Variants in ARID2 observed in about 807,000 individuals in gnomAD.
ARID2 encodes AT-rich interaction domain 2, also known as AT-rich interactive domain-containing protein 2.
ARID2 carries 32 observed loss-of-function variants against 184.6 expected under a neutral mutation model. The ratio of observed to expected loss-of-function variants is 0.17; its 90% CI spans 0.13 to 0.23. The LOEUF (loss-of-function observed/expected upper bound fraction) is 0.23. ARID2 is among the 10% of genes least tolerant of loss of function. The pLI is 1.00. For missense variants in ARID2, 1,696 were observed against 2,197.6 expected (o/e 0.77, Z 4.56); for synonymous variants, 836 against 772.6 (o/e 1.08, Z -1.36).
In ARID2 at chr12:45,837,306, T is replaced by G. The variant is rs1384440460; in HGVS notation, c.1024-15T>G. 1.9e-6 allele frequency: 3 copies of G among 1,577,944 alleles called. No homozygotes were observed. In the African/African-American group the frequency reaches 4.1e-5, roughly 22 times the overall value. ...AAGAAGCATAGCTCAATAATAGTGTTGTTTCTTTTTCCAGCTTTTACTGGA... is the reference window on the plus strand; with the variant it reads ...AAGAAGCATAGCTCAATAATAGTGTGGTTTCTTTTTCCAGCTTTTACTGGA... On this transcript the variant is annotated splice_polypyrimidine_tract_variant and intron_variant, in intron 8 of 20. Transcript: ENST00000334344.
At chr12:45,771,501 CA>C (rs60579820) in intron 3 of ARID2, among the ~76,000 whole-genome samples, 13,087 of 122,906 alleles carry the variant, frequency 0.11, 1,875 homozygotes, top group African/African-American at 0.33. Flanking sequence ...TCTGTTTTTA[CA>C]AAAAAAAAAA....
chr12:45,746,100 A>ATT (rs34374158), intron 3 of ARID2, among the ~76,000 whole-genome samples: 29 of 140,230 alleles, frequency 2.1e-4, no homozygotes, highest in Non-Finnish European at 2.3e-4. Context: ...TTCTGGTTTG[A>ATT]TTTTTTTTTT....
chr12:45,842,913 T>C (rs1239087322), intron 11 of ARID2, among the ~76,000 whole-genome samples: 1 of 152,190 alleles, frequency 6.6e-6, no homozygotes, highest in Admixed American at 6.5e-5. Flanking sequence ...TTAGCATCAG[T>C]AGTATCCCTG....
chr12:45,779,386 T>C (rs1346827642), intron 3 of ARID2, among the ~76,000 whole-genome samples: 1 of 152,144 alleles, frequency 6.6e-6, no homozygotes, highest in Admixed American at 6.5e-5. Context: ...ATCTTTACTA[T>C]TTCATTTGTG....
intron 3 of ARID2, among the ~76,000 whole-genome samples, chr12:45,769,885 A>C (rs747642090): frequency 1.3e-5 from 2 of 152,176 alleles, no homozygotes; most frequent in Non-Finnish European, 2.9e-5. Flanking sequence ...GTGGGATAAG[A>C]TCAAGGGCTT....
Position 45,837,416 on chromosome 12 carries a change from A to G in ARID2, c.1119A>G (p.Arg373=), listed in dbSNP as rs2138130831. 1 of 1,611,312 alleles carries G rather than the reference A, an allele frequency of 6.2e-7. No individual in the cohort carries two copies. Among genetic ancestry groups the G allele is most frequent in the Non-Finnish European group, 8.5e-7 (1 of 1,178,404 alleles). The change falls in exon 9 of 21, where the codon AGA becomes AGG. Residue 373 remains arginine (R), a splice_region_variant and synonymous_variant. Coordinates refer to ENST00000334344, the MANE Select transcript of ARID2 (RefSeq NM_152641.4). ...LMSRDRFLKM[R]GMEILGNLCK... is the part of the protein sequence containing the mutation. ...CAAGGGATAGATTTTTAAAGATGAG[A>G]GGTGAGTTTTCACTGAAGTATTTAC... is the stretch of plus-strand genomic sequence containing the variant.
At chr12:45,834,518 G>T (rs141787085) in intron 6 of ARID2, among the ~76,000 whole-genome samples, 1 of 152,132 alleles carries the variant, frequency 6.6e-6, no homozygotes, top group African/African-American at 2.4e-5. Flanking sequence ...CGAGATGGGC[G>T]GATCACCTGA....
intron 2 of ARID2, among the ~76,000 whole-genome samples, chr12:45,730,826 C>G (rs367954741): frequency 6.3e-4 from 96 of 151,658 alleles, no homozygotes; most frequent in African/African-American, 1.6e-3. Flanking sequence ...CGGCCCCCCC[C>G]CCAACCCGCG....
At chr12:45,858,059 C>T (rs998564758) in intron 15 of ARID2, among the ~76,000 whole-genome samples, 2 of 152,200 alleles carry the variant, frequency 1.3e-5, no homozygotes, top group African/African-American at 4.8e-5. Flanking sequence ...CGTGCCTGGC[C>T]TAGCTAGAGG....
In ARID2 at chr12:45,906,797, G is replaced by A. The variant is rs543999333; in HGVS notation, c.*1719G>A. The A allele has an allele frequency of 1.2e-4, 27 of 232,064 alleles. No homozygotes were observed. Among genetic ancestry groups the A allele is most frequent in the African/African-American group, 5.7e-4 (26 of 45,388 alleles). 14.4% of individuals were successfully genotyped at this position (232,064 alleles called of 1,614,324 possible). ...TAGAGAACAGCAAATGATTGATGCA[G>A]TTAAAGCTCAATATGCCTTTTTTTA... On this transcript the variant is annotated 3_prime_UTR_variant, in exon 21 of 21. Transcript: ENST00000334344.
At chr12:45,822,995 T>G (rs1272774582) in intron 6 of ARID2, among the ~76,000 whole-genome samples, 1 of 152,188 alleles carries the variant, frequency 6.6e-6, no homozygotes, top group Non-Finnish European at 1.5e-5. Context: ...TAGACTATTT[T>G]ATCCAACAAC....
At chr12:45,833,545 G>A (rs1943161704) in intron 6 of ARID2, among the ~76,000 whole-genome samples, 2 of 152,114 alleles carry the variant, frequency 1.3e-5, no homozygotes, top group Admixed American at 1.3e-4. Flanking sequence ...GTGTGAGTGT[G>A]ACATTGTTGA....
intron 20 of ARID2, among the ~76,000 whole-genome samples, chr12:45,895,014 C>T (rs1205649723): frequency 6.6e-6 from 1 of 152,160 alleles, no homozygotes; most frequent in African/African-American, 2.4e-5. Flanking sequence ...ATCTGCTTAT[C>T]CTTCATGATT....
At chr12:45,786,200 AAAAC>A (rs1942194125) in intron 3 of ARID2, among the ~76,000 whole-genome samples, 1 of 152,300 alleles carries the variant, frequency 6.6e-6, no homozygotes, top group East Asian at 1.9e-4. Context: ...CTATCAATGA[AAAAC>A]AAAGGTAGTA....
At chr12:45,894,318 A>G (rs991139456) in intron 20 of ARID2, among the ~76,000 whole-genome samples, 3 of 152,182 alleles carry the variant, frequency 2.0e-5, no homozygotes, top group South Asian at 4.1e-4. Flanking sequence ...TACATCTTCA[A>G]TTGACCAGTC....
At chr12:45,801,228 C>A (rs865839618) in intron 3 of ARID2, among the ~76,000 whole-genome samples, 1 of 151,308 alleles carries the variant, frequency 6.6e-6, no homozygotes, top group Non-Finnish European at 1.5e-5. Flanking sequence ...AGGAGAATGG[C>A]GTGAACCCGG....
intron 3 of ARID2, chr12:45,775,992 A>G (rs529991891): frequency 1.8e-5 from 3 of 165,342 alleles, no homozygotes; most frequent in Non-Finnish European, 4.4e-5. Flanking sequence ...TAATTAATAC[A>G]ATGTTAGGCA....
chr12:45,790,035 A>T (rs188679045), intron 3 of ARID2, among the ~76,000 whole-genome samples: 2 of 152,330 alleles, frequency 1.3e-5, no homozygotes, highest in East Asian at 3.9e-4. Context: ...TGGAAATGAT[A>T]TAAACTTTTC....
Position 45,819,037 on chromosome 12 carries a change from A to C in ARID2, c.637+1149A>C, listed in dbSNP as rs1010108332. ...TCCGTTATTCTATTTTGATCTTCCA[A>C]ATACAACTTTCAGCATTTATTGTAG... On this transcript the variant is annotated intron_variant, in intron 5 of 20. Coordinates refer to ENST00000334344, the MANE Select transcript of ARID2 (RefSeq NM_152641.4). 7.9e-5 allele frequency among the ~76,000 whole-genome samples: 12 copies of C among 152,248 alleles called. No homozygotes were observed. In the South Asian group the frequency reaches 2.5e-3, roughly 32 times the overall value.
Sources: allele counts gnomAD v4.1 joint callset (sites outside exome capture counted in the v4.1 genomes callset), GRCh38; gene constraint gnomAD v4.1.1; transcripts MANE v1.5; gene names NCBI Gene and HGNC (gene_info 2026-07-23, HGNC 2026-07-21).